Variants in AFAP1 observed in about 807,000 individuals in gnomAD.
AFAP1 encodes the protein actin filament-associated protein 1.
Under a neutral mutation model 93.9 loss-of-function variants are expected in AFAP1, and 75 were observed. That is an observed-to-expected ratio of 0.80 (90% CI 0.66 to 0.97). AFAP1 has a LOEUF of 0.97. AFAP1 is among the 50% of genes least tolerant of loss of function. The probability of loss-of-function intolerance (pLI) is 0.00; values close to 1 mark genes in which losing one functional copy is unlikely to be tolerated. For missense variants in AFAP1, 1,201 were observed against 1,050.8 expected, an observed-to-expected ratio of 1.14 and a Z score of -1.98; for synonymous variants, 517 against 430.7, an observed-to-expected ratio of 1.20 and a Z score of -2.48.
At chr4:7,840,268 G>GTGTGTGTGTGCA (rs1186749093) in intron 5 of AFAP1, among the ~76,000 whole-genome samples, 6 of 62,314 alleles carry the variant, frequency 9.6e-5, no homozygotes, top group African/African-American at 3.6e-4. Context: ...TGGGATGTGT[G>GTGTGTGTGTGCA]TGTGTGTGTG....
At chr4:7,892,143 G>A (rs543930520) in intron 1 of AFAP1, among the ~76,000 whole-genome samples, 1 of 152,336 alleles carries the variant, frequency 6.6e-6, no homozygotes, top group Non-Finnish European at 1.5e-5. Context: ...CCACAGGCTA[G>A]GAAGGTCAGG....
At chr4:7,920,921 A>C (rs1720406246) in intron 1 of AFAP1, among the ~76,000 whole-genome samples, 1 of 152,034 alleles carries the variant, frequency 6.6e-6, no homozygotes, top group Non-Finnish European at 1.5e-5. Context: ...TAAATAGTAC[A>C]TAATTACAGT....
At chr4:7,822,671 G>A (rs1378172922) in intron 6 of AFAP1, among the ~76,000 whole-genome samples, 2 of 145,542 alleles carry the variant, frequency 1.4e-5, no homozygotes, top group South Asian at 2.2e-4. Context: ...TGCAAGCTCC[G>A]CCTCCTGGGT....
In AFAP1 at chr4:7,763,633, CAG is replaced by C. The variant is rs1481945893; in HGVS notation, c.*130_*131del. On this transcript the variant is annotated 3_prime_UTR_variant, in exon 18 of 18. Coordinates refer to ENST00000420658, the MANE Select transcript of AFAP1 (RefSeq NM_001134647.2). ...GGGCCTGGGGGACAGGCACTGGCCT[CAG>C]AGCTCAGTCGTGGAGCCTCTGGAGT... 5 of 1,065,290 alleles carry C rather than the reference CAG, an allele frequency of 4.7e-6. No individual in the cohort carries two copies. The Admixed American group carries it at 1.1e-4, about 24-fold the overall frequency. The allele number at this position is 1,065,290 out of a possible 1,614,324, so 66.0% of individuals were successfully genotyped here. A position where few individuals can be genotyped will look rare whatever the true frequency, so the allele number is the denominator to read the frequency against.
At chr4:7,796,155 A>G (rs932578412) in intron 10 of AFAP1, among the ~76,000 whole-genome samples, 1 of 152,248 alleles carries the variant, frequency 6.6e-6, no homozygotes, top group Admixed American at 6.5e-5. Flanking sequence ...AAGTGAGCAC[A>G]TCTGGCCCCC....
rs566009032 is a variant in AFAP1, at chr4:7,771,883, G to A, written c.2253+937C>T. 2.0e-5 allele frequency among the ~76,000 whole-genome samples: 3 copies of A among 152,258 alleles called. No individual in the cohort carries two copies. In the South Asian group the frequency reaches 6.2e-4, roughly 32 times the overall value. ...AGGGATGGGGGGATGGGAGAGGCTT[G>A]GAGGAGAAGGGGAGAGTAAGGAAGA... On this transcript the variant is annotated intron_variant, in intron 16 of 17. Coordinates refer to ENST00000420658, the MANE Select transcript of AFAP1 (RefSeq NM_001134647.2).
intron 1 of AFAP1, among the ~76,000 whole-genome samples, chr4:7,923,896 G>C (rs982333378): frequency 1.3e-5 from 2 of 152,178 alleles, no homozygotes; most frequent in African/African-American, 4.8e-5. Context: ...GCTCCAGTAC[G>C]AGAATCTGGG....
intron 1 of AFAP1, among the ~76,000 whole-genome samples, chr4:7,930,284 T>C (rs1720992523): frequency 6.6e-6 from 1 of 152,114 alleles, no homozygotes; most frequent in African/African-American, 2.4e-5. Context: ...ACCAAATGAG[T>C]TCGCCAAACC....
intron 6 of AFAP1, among the ~76,000 whole-genome samples, chr4:7,833,270 C>A (rs1257188155): frequency 6.6e-6 from 1 of 152,140 alleles, no homozygotes; most frequent in Non-Finnish European, 1.5e-5. Flanking sequence ...GGACTAATAT[C>A]CAGAATCTAC....
intron 3 of AFAP1, among the ~76,000 whole-genome samples, chr4:7,865,999 C>T (rs112937408): frequency 0.31 from 46,648 of 152,102 alleles, 8,892 homozygotes; most frequent in Non-Finnish European, 0.44. Flanking sequence ...TGGGTTCAAG[C>T]GATTCTCCTG....
intron 1 of AFAP1, among the ~76,000 whole-genome samples, chr4:7,922,209 C>T (rs955630810): frequency 1.3e-5 from 2 of 152,182 alleles, no homozygotes; most frequent in East Asian, 3.8e-4. Context: ...GTTGCTCCAT[C>T]GCTCATATTA....
chr4:7,801,933 A>AAAC (rs1275906943), intron 9 of AFAP1, among the ~76,000 whole-genome samples: 3 of 151,282 alleles, frequency 2.0e-5, no homozygotes, highest in African/African-American at 4.9e-5. Flanking sequence ...AAAAAAAAAA[A>AAAC]AAAAAAAAAC....
At chr4:7,880,607 CTG>C (rs1717784092) in intron 1 of AFAP1, among the ~76,000 whole-genome samples, 1 of 152,136 alleles carries the variant, frequency 6.6e-6, no homozygotes, top group Non-Finnish European at 1.5e-5. Flanking sequence ...AGTGTGGTAA[CTG>C]AGGCCCAGAG....
chr4:7,826,772 G>C (rs61562759), intron 6 of AFAP1, among the ~76,000 whole-genome samples: 22,983 of 152,158 alleles, frequency 0.15, 1,899 homozygotes, highest in East Asian at 0.25. Flanking sequence ...AGGAGAGCCA[G>C]ATACAGGCTG....
Position 7,939,021 on chromosome 4 carries a change from G to GGACCCCCATTACACTCGCGTCCCA in AFAP1, c.-3+611_-3+634dup, listed in dbSNP as rs1721558276. The GGACCCCCATTACACTCGCGTCCCA allele has an allele frequency of 6.5e-6, 1 of 154,068 alleles. No homozygotes were observed. 9.5% of individuals were successfully genotyped at this position (154,068 alleles called of 1,614,324 possible). On this transcript the variant is annotated intron_variant, in intron 1 of 17. Transcript: ENST00000420658. The surrounding 1 kb of genome is among the most constrained non-coding windows in gnomAD (Gnocchi z 5.6). Reference sequence around the variant, plus strand: ...CCCACCAACCGCGCCCCCCGCGCACGGACCCCCATTACACTCGCGTCCCAG... The same window carrying GGACCCCCATTACACTCGCGTCCCA: ...CCCACCAACCGCGCCCCCCGCGCACGGACCCCCATTACACTCGCGTCCCAGACCCCCATTACACTCGCGTCCCAG...
intron 4 of AFAP1, among the ~76,000 whole-genome samples, chr4:7,844,180 C>A (rs1324459909): frequency 3.2e-5 from 4 of 125,560 alleles, no homozygotes; most frequent in Non-Finnish European, 7.7e-5. Flanking sequence ...GAAGCTCTAA[C>A]CATATGACTA....
At chr4:7,876,544 C>T (rs1717519808) in intron 1 of AFAP1, among the ~76,000 whole-genome samples, 1 of 152,168 alleles carries the variant, frequency 6.6e-6, no homozygotes, top group African/African-American at 2.4e-5. Flanking sequence ...CAGAAGCCAG[C>T]ACTGGAGGAC....
chr4:7,874,049 C>T (rs1191113696), intron 1 of AFAP1, among the ~76,000 whole-genome samples: 7 of 152,184 alleles, frequency 4.6e-5, no homozygotes, highest in African/African-American at 1.7e-4. Context: ...GTGACATGAA[C>T]AAATGTGATT....
At chr4:7,770,040 C>T (rs908393176) in intron 16 of AFAP1, among the ~76,000 whole-genome samples, 2 of 152,256 alleles carry the variant, frequency 1.3e-5, no homozygotes, top group Non-Finnish European at 2.9e-5. Context: ...GAATAAGCCA[C>T]TCTCCCGAGG....
Sources: gnomAD v4.1 joint callset for allele counts (sites outside exome capture counted in the v4.1 genomes callset) on GRCh38, gnomAD v4.1.1 for gene constraint, Gnocchi (gnomAD v3.1) non-coding constraint, MANE v1.5 for transcripts, NCBI Gene and HGNC (gene_info 2026-07-23, HGNC 2026-07-21) for gene names.